Variants in ABR observed in about 807,000 individuals in gnomAD.
ABR encodes the protein active breakpoint cluster region-related protein.
Under a neutral mutation model 107.2 loss-of-function variants are expected in ABR, and 35 were observed. The ratio of observed to expected loss-of-function variants is 0.33; its 90% confidence interval spans 0.25 to 0.43. The LOEUF (loss-of-function observed/expected upper bound fraction) is 0.43, where lower values mean the gene tolerates loss of function less well. Ranked by LOEUF, ABR falls within the 20% of genes least tolerant of loss-of-function variation. The pLI is 1.00. For missense variants in ABR, 815 were observed against 1,115.2 expected, an observed-to-expected ratio of 0.73 and a Z score of 3.83; for synonymous variants, 498 against 462.0, an observed-to-expected ratio of 1.08 and a Z score of -1.00.
At chr17:1,047,729 CAT>C (rs2031847038) in intron 16 of ABR, among the ~76,000 whole-genome samples, 1 of 152,232 alleles carries the variant, frequency 6.6e-6, no homozygotes, top group African/African-American at 2.4e-5. Context: ...CTTTGCCAAA[CAT>C]AACCTGGCTT....
intron 1 of ABR, among the ~76,000 whole-genome samples, chr17:1,223,591 A>G (rs1465666085): frequency 6.6e-6 from 1 of 152,154 alleles, no homozygotes; most frequent in Admixed American, 6.6e-5. Context: ...GGAAATAATA[A>G]CAGCACCTGT....
At chr17:1,168,924 C>T (rs1379367812) in intron 1 of ABR, among the ~76,000 whole-genome samples, 2 of 152,232 alleles carry the variant, frequency 1.3e-5, no homozygotes, top group East Asian at 1.9e-4. Context: ...CAAGGGGGAA[C>T]GTGGGTCAGG....
intron 16 of ABR, among the ~76,000 whole-genome samples, chr17:1,036,321 C>A (rs1266515846): frequency 6.6e-6 from 1 of 152,098 alleles, no homozygotes; most frequent in African/African-American, 2.4e-5. Flanking sequence ...GTCCAGAGCC[C>A]AGGAGGAGCC....
At chr17:1,104,957 A>G (rs1023234959) in intron 2 of ABR, among the ~76,000 whole-genome samples, 1 of 148,938 alleles carries the variant, frequency 6.7e-6, no homozygotes, top group Non-Finnish European at 1.5e-5. Context: ...ATACTCACAT[A>G]CCACCACCTG....
chr17:1,055,584 A>G (rs994729165), intron 14 of ABR: 4 of 154,614 alleles, frequency 2.6e-5, no homozygotes, highest in African/African-American at 9.7e-5. Flanking sequence ...GTGGAGTGCA[A>G]TGCCATGATC....
intron 16 of ABR, among the ~76,000 whole-genome samples, chr17:1,045,097 G>A (rs915880566): frequency 2.6e-5 from 4 of 152,220 alleles, no homozygotes; most frequent in Non-Finnish European, 5.9e-5. Context: ...GAAGGGAAAA[G>A]GCACAGAATA....
intron 1 of ABR, among the ~76,000 whole-genome samples, chr17:1,185,415 C>G (rs2042254927): frequency 1.3e-5 from 2 of 152,086 alleles, no homozygotes. Context: ...GAGGCCGAGG[C>G]CAGCGGGTCA....
At position 1,078,760 on chromosome 17, in the gene ABR, C is replaced by G; in HGVS notation, c.700+570G>C. The G allele has an allele frequency of 6.6e-7, 1 of 1,520,130 alleles. No homozygotes were observed. Among genetic ancestry groups the G allele is most frequent in the East Asian group, 2.5e-5 (1 of 40,742 alleles). The allele number at this position is 1,520,130 out of a possible 1,614,324, so 94.2% of individuals were successfully genotyped here. ...CGGCCACATCTAAGCCCACTCCAGC[C>G]GGCCCCCAGAGGTGGGAGGGTCCGC... On this transcript the variant is annotated intron_variant, in intron 6 of 22. Transcript: ENST00000302538. The surrounding 1 kb of genome is among the most constrained non-coding windows in gnomAD (Gnocchi z 7.5).
At chr17:1,067,339 G>T in intron 9 of ABR, 97 bp from the exon 10 acceptor site, 4 of 1,206,832 alleles carry the variant, frequency 3.3e-6, no homozygotes, top group South Asian at 3.2e-5. Context: ...GACAGGGGTT[G>T]ACTGAGAACT....
At chr17:1,035,960 GTGCGA>G (rs935105579) in intron 16 of ABR, among the ~76,000 whole-genome samples, 2 of 151,928 alleles carry the variant, frequency 1.3e-5, no homozygotes, top group African/African-American at 2.4e-5. Context: ...ATCCTGCCCT[GTGCGA>G]GCGGGAGGGG....
chr17:1,173,407 G>C (rs2041818673), intron 1 of ABR, among the ~76,000 whole-genome samples: 1 of 130,750 alleles, frequency 7.6e-6, no homozygotes, highest in South Asian at 2.8e-4. Context: ...CCACCACCAA[G>C]GGCCTGGCAG....
chr17:1,047,360 G>A (rs1292103588), intron 16 of ABR, among the ~76,000 whole-genome samples: 1 of 152,266 alleles, frequency 6.6e-6, no homozygotes, highest in East Asian at 1.9e-4. Context: ...TGGGGCCCGG[G>A]TTCGTGGGAA....
At chr17:1,054,360 C>A (rs986924896) in intron 14 of ABR, among the ~76,000 whole-genome samples, 4 of 152,206 alleles carry the variant, frequency 2.6e-5, no homozygotes, top group African/African-American at 9.6e-5. Flanking sequence ...AGACCTGGTT[C>A]CCGCCCTCAG....
chr17:1,109,622 G>A (rs923836464), intron 2 of ABR, among the ~76,000 whole-genome samples: 7 of 151,948 alleles, frequency 4.6e-5, no homozygotes, highest in Non-Finnish European at 1.0e-4. Context: ...GGAGCCCGGC[G>A]AGCAGGGGCG....
Position 1,150,873 on chromosome 17 carries a change from G to C in ABR, c.62-25506C>G, listed in dbSNP as rs1189836183. ...CATTCCTGAGCCTCCCTCCCTTGCT[G>C]AGCTACTGGTGCGCGTATGTGTGCA... On this transcript the variant is annotated intron_variant, in intron 1 of 22. Coordinates refer to ENST00000302538, the MANE Select transcript of ABR (RefSeq NM_021962.5). This position sits in a 1 kb window ranked among gnomAD's most constrained non-coding sequence, Gnocchi z 4.8. 3.3e-5 allele frequency among the ~76,000 whole-genome samples: 5 copies of C among 152,150 alleles called. No homozygotes were observed. Among genetic ancestry groups the C allele is most frequent in the African/African-American group, 1.2e-4 (5 of 41,436 alleles).
At chr17:1,105,035 G>T (rs932661792) in intron 2 of ABR, among the ~76,000 whole-genome samples, 6 of 131,340 alleles carry the variant, frequency 4.6e-5, no homozygotes, top group Non-Finnish European at 7.8e-5. Context: ...TTGAGACAGA[G>T]TCTCACTGTG....
chr17:1,214,227 C>G (rs1250181024), intron 1 of ABR, among the ~76,000 whole-genome samples: 1 of 151,958 alleles, frequency 6.6e-6, no homozygotes, highest in Non-Finnish European at 1.5e-5. Flanking sequence ...TCCCCGCCCC[C>G]CACCACCACC....
chr17:1,116,053 C>G (rs1465316182), intron 2 of ABR, among the ~76,000 whole-genome samples: 2 of 151,906 alleles, frequency 1.3e-5, no homozygotes, highest in Non-Finnish European at 2.9e-5. Flanking sequence ...ATGATGAAAC[C>G]CCATCTCTAC....
intron 2 of ABR, among the ~76,000 whole-genome samples, chr17:1,119,795 G>A (rs1348460281): frequency 1.3e-5 from 2 of 152,230 alleles, no homozygotes; most frequent in Admixed American, 6.5e-5. Flanking sequence ...AGCGGGACCT[G>A]ACAGCGCTGT....
Sources: gnomAD v4.1 joint callset for allele counts (sites outside exome capture counted in the v4.1 genomes callset) on GRCh38, gnomAD v4.1.1 for gene constraint, Gnocchi (gnomAD v3.1) non-coding constraint, MANE v1.5 for transcripts, NCBI Gene and HGNC (gene_info 2026-07-23, HGNC 2026-07-21) for gene names.